GALNT2: variants seen among roughly 807,000 people sequenced by gnomAD.
GALNT2 encodes the protein UDP-GalNAc:polypeptide N-acetylgalactosaminyltransferase 2.
In GALNT2, 31 loss-of-function variants were observed where a neutral mutation model predicts 81.4. That is an observed-to-expected ratio of 0.38 (90% CI 0.29 to 0.51). GALNT2 has a LOEUF of 0.51. Ranked by LOEUF, GALNT2 falls within the 20% of genes least tolerant of loss-of-function variation. GALNT2 has a pLI of 0.87. For synonymous variants in GALNT2, 303 were observed against 287.4 expected (o/e 1.05, Z -0.55); for missense variants, 629 against 765.7 (o/e 0.82, Z 2.11).
chr1:230,216,052 A>G (rs781347895), intron 3 of GALNT2, among the ~76,000 whole-genome samples: 1 of 152,238 alleles, frequency 6.6e-6, no homozygotes, highest in Non-Finnish European at 1.5e-5. Flanking sequence ...GCTGTGAAGC[A>G]GTGATCCTAC....
chr1:230,097,525 C>T (rs1162823799), intron 1 of GALNT2, among the ~76,000 whole-genome samples: 2 of 152,214 alleles, frequency 1.3e-5, no homozygotes, highest in African/African-American at 4.8e-5. Flanking sequence ...GCTCATTTCA[C>T]TTAACATAAT....
At position 230,229,279 on chromosome 1, in the gene GALNT2, A is replaced by G. The variant is rs116499179; in HGVS notation, c.375-6735A>G. On this transcript the variant is annotated intron_variant, in intron 3 of 15. Transcript: ENST00000366672. ...AAACCTAATCAAAAAATGGACAAAG[A>G]ACATGAATAAACAGTTAACAGCAGA... Among the ~76,000 whole-genome samples, 584 of 152,354 alleles carry G rather than the reference A, an allele frequency of 3.8e-3. 7 individuals carry two copies. The highest frequency in any genetic ancestry group is 0.014 in the African/African-American group (565 of 41,586).
At chr1:230,239,777 G>A (rs12563741) in intron 6 of GALNT2, among the ~76,000 whole-genome samples, 84,846 of 152,052 alleles carry the variant, frequency 0.56, 26,391 homozygotes, top group East Asian at 0.9. Flanking sequence ...TTTGGATTCA[G>A]TGATTTTTTT....
At chr1:230,143,360 A>G (rs1458080338) in intron 1 of GALNT2, among the ~76,000 whole-genome samples, 4 of 152,214 alleles carry the variant, frequency 2.6e-5, no homozygotes, top group Non-Finnish European at 4.4e-5. Flanking sequence ...AGCAGCTGCT[A>G]GGAATGAAAT....
intron 2 of GALNT2, among the ~76,000 whole-genome samples, chr1:230,180,239 GGTCTGTGATTCATTT>G (rs1444051821): frequency 6.6e-6 from 1 of 150,872 alleles, no homozygotes; most frequent in Non-Finnish European, 1.5e-5. Context: ...TTTACATTTA[GGTCTGTGATTCATTT>G]GGAGTTAATT....
rs769283797 is a variant in GALNT2, at chr1:230,185,269, C to CGT, written c.220+6960_220+6961dup. Among the ~76,000 whole-genome samples, 466 of 125,112 alleles carry CGT rather than the reference C, an allele frequency of 3.7e-3. 5 individuals are homozygous for CGT. The highest frequency in any genetic ancestry group is 0.014 in the East Asian group (65 of 4,762). 82.1% of individuals were successfully genotyped at this position (125,112 alleles called of 152,430 possible). A position where few individuals can be genotyped will look rare whatever the true frequency, so the allele number is the denominator to read the frequency against. On this transcript the variant is annotated intron_variant, in intron 2 of 15. Transcript: ENST00000366672. ...GCTGTGTCTCTTTAAACTGTGCGTG[C>CGT]GTGCGTGTGTGTGTGTGTGTGTGTG... is the stretch of plus-strand genomic sequence containing the variant.
intron 1 of GALNT2, chr1:230,092,176 G>GTTTTTTTTTGTTT (rs762299242): frequency 5.7e-4 from 24 of 42,234 alleles, no homozygotes; most frequent in African/African-American, 1.2e-3. Flanking sequence ...TATTCCTTTA[G>GTTTTTTTTTGTTT]TTTTTTTTTT....
chr1:230,263,543 C>G (rs1048634779), intron 13 of GALNT2: 1 of 153,284 alleles, frequency 6.5e-6, no homozygotes, highest in African/African-American at 2.4e-5. Flanking sequence ...TGCTGCCCCA[C>G]GTCCCTCCGG....
At chr1:230,198,819 AT>A (rs1286583215) in intron 2 of GALNT2, among the ~76,000 whole-genome samples, 1 of 152,186 alleles carries the variant, frequency 6.6e-6, no homozygotes, top group African/African-American at 2.4e-5. Flanking sequence ...CTGGAAAGAA[AT>A]TTCCTCAAAA....
In GALNT2 at chr1:230,084,781, G is replaced by T. The variant is rs546278766; in HGVS notation, c.126+17375G>T. On this transcript the variant is annotated intron_variant, in intron 1 of 15. Transcript: ENST00000366672. ...TTTGCCCTTTTCTGCTGGGATCTGC[G>T]TGCTGAGTCTCTGACTGGTAACATG... Among the ~76,000 whole-genome samples, 96 of 152,268 alleles carry T rather than the reference G, an allele frequency of 6.3e-4. 1 individual carries two copies. Among genetic ancestry groups the T allele is most frequent in the Middle Eastern group, 3.4e-3 (1 of 294 alleles).
intron 1 of GALNT2, among the ~76,000 whole-genome samples, chr1:230,076,096 A>G (rs1659546443): frequency 6.6e-6 from 1 of 152,172 alleles, no homozygotes; most frequent in Non-Finnish European, 1.5e-5. Context: ...TGAGGCATGA[A>G]TGCATCCTGG....
At chr1:230,097,321 G>A (rs759163775) in intron 1 of GALNT2, among the ~76,000 whole-genome samples, 34 of 151,638 alleles carry the variant, frequency 2.2e-4, no homozygotes, top group Non-Finnish European at 3.7e-4. Flanking sequence ...TCATATTATT[G>A]TGCAGCCATG....
chr1:230,066,392 AAT>A (rs558035738), upstream of GALNT2, among the ~76,000 whole-genome samples: 10 of 152,376 alleles, frequency 6.6e-5, no homozygotes, highest in South Asian at 2.1e-3. Context: ...GATTTTAAAC[AAT>A]ATATTATTGC....
chr1:230,220,276 T>C (rs1664504984), intron 3 of GALNT2, among the ~76,000 whole-genome samples: 1 of 95,098 alleles, frequency 1.1e-5, no homozygotes, highest in Non-Finnish European at 1.8e-5. Context: ...TTCCAAGGTG[T>C]TTTTGTTTTT....
chr1:230,124,197 G>T (rs755479385), intron 1 of GALNT2, among the ~76,000 whole-genome samples: 76 of 152,216 alleles, frequency 5.0e-4, no homozygotes, highest in Non-Finnish European at 9.4e-4. Flanking sequence ...TGAATTAAGT[G>T]CAAGTACTGA....
intron 3 of GALNT2, among the ~76,000 whole-genome samples, chr1:230,221,483 A>G (rs2102722673): frequency 6.6e-6 from 1 of 152,346 alleles, no homozygotes; most frequent in Non-Finnish European, 1.5e-5. Flanking sequence ...TTGAATGAAG[A>G]TTCATAGCTG....
intron 3 of GALNT2, among the ~76,000 whole-genome samples, chr1:230,210,715 A>G (rs1170225173): frequency 6.6e-6 from 1 of 152,218 alleles, no homozygotes; most frequent in Non-Finnish European, 1.5e-5. Context: ...AACACAGCCA[A>G]AACATAGGTC....
At chr1:230,152,454 A>G (rs1662120171) in intron 1 of GALNT2, among the ~76,000 whole-genome samples, 1 of 152,238 alleles carries the variant, frequency 6.6e-6, no homozygotes, top group Admixed American at 6.5e-5. Context: ...ATGATGAATA[A>G]TTAAATAGAA....
At chr1:230,199,203 T>G (rs960395182) in intron 2 of GALNT2, among the ~76,000 whole-genome samples, 6 of 152,184 alleles carry the variant, frequency 3.9e-5, no homozygotes, top group Non-Finnish European at 8.8e-5. Flanking sequence ...GACGTTTTGT[T>G]GGTTGTTTTG....
Sources: gnomAD v4.1 joint callset for allele counts (sites outside exome capture counted in the v4.1 genomes callset) on GRCh38, gnomAD v4.1.1 for gene constraint, MANE v1.5 for transcripts, NCBI Gene and HGNC (gene_info 2026-07-23, HGNC 2026-07-21) for gene names.